CDH8: variants seen among roughly 807,000 people sequenced by gnomAD.
CDH8 encodes cadherin 8, also known as cadherin-8.
CDH8 carries 17 observed loss-of-function variants against 68.1 expected under a neutral mutation model. The ratio of observed to expected loss-of-function variants is 0.25; its 90% CI spans 0.17 to 0.37. The LOEUF (loss-of-function observed/expected upper bound fraction) is 0.37, where lower values mean the gene tolerates loss of function less well. Ranked by LOEUF, CDH8 falls within the 10% of genes least tolerant of loss-of-function variation. CDH8 has a pLI of 1.00. For missense variants in CDH8, 763 were observed against 999.3 expected, an observed-to-expected ratio of 0.76 and a Z score of 3.19; for synonymous variants, 372 against 365.1, an observed-to-expected ratio of 1.02 and a Z score of -0.21.
intron 2 of CDH8, among the ~76,000 whole-genome samples, chr16:61,981,260 G>A (rs1965523967): frequency 6.6e-6 from 1 of 152,110 alleles, no homozygotes; most frequent in South Asian, 2.1e-4. Flanking sequence ...ATTGTACTGT[G>A]TCCACTATTA....
At chr16:61,839,688 T>C (rs1394305257) in intron 4 of CDH8, among the ~76,000 whole-genome samples, 2 of 152,072 alleles carry the variant, frequency 1.3e-5, no homozygotes, top group African/African-American at 4.8e-5. Context: ...ATTCCCCAAC[T>C]TTGCATAAGG....
At chr16:61,970,576 T>A (rs1356056502) in intron 2 of CDH8, among the ~76,000 whole-genome samples, 1 of 152,200 alleles carries the variant, frequency 6.6e-6, no homozygotes, top group Non-Finnish European at 1.5e-5. Flanking sequence ...AATAAATAAC[T>A]ATTTTCCCTA....
chr16:61,930,063 C>G (rs1964516954), intron 2 of CDH8, among the ~76,000 whole-genome samples: 1 of 151,970 alleles, frequency 6.6e-6, no homozygotes, highest in South Asian at 2.1e-4. Flanking sequence ...GGCATTTAAA[C>G]AGAAGGTTGA....
intron 10 of CDH8, among the ~76,000 whole-genome samples, chr16:61,679,928 G>T (rs979971917): frequency 3.3e-5 from 5 of 151,958 alleles, no homozygotes; most frequent in Non-Finnish European, 7.4e-5. Flanking sequence ...TCATTGTATT[G>T]TATGGATATC....
At chr16:61,967,370 G>A (rs1030190204) in intron 2 of CDH8, among the ~76,000 whole-genome samples, 1 of 152,166 alleles carries the variant, frequency 6.6e-6, no homozygotes, top group Non-Finnish European at 1.5e-5. Flanking sequence ...CTCCCAATGT[G>A]TTAATGCCGA....
At chr16:61,674,311 G>T (rs1365550370) in intron 10 of CDH8, among the ~76,000 whole-genome samples, 1 of 151,874 alleles carries the variant, frequency 6.6e-6, no homozygotes, top group Non-Finnish European at 1.5e-5. Context: ...AAAATTATTT[G>T]GGCGTGGTGG....
chr16:61,660,093 T>A (rs1451409515), intron 10 of CDH8, among the ~76,000 whole-genome samples: 1 of 151,980 alleles, frequency 6.6e-6, no homozygotes, highest in Non-Finnish European at 1.5e-5. Context: ...ACATCATGGG[T>A]TTAATACCAC....
chr16:61,932,207 C>CAAAAAAA (rs35261724), intron 2 of CDH8, among the ~76,000 whole-genome samples: 1 of 83,578 alleles, frequency 1.2e-5, no homozygotes, highest in Non-Finnish European at 2.4e-5. Context: ...AACTCCGTCT[C>CAAAAAAA]AAAAAAAAAA....
chr16:61,823,686 G>A (rs1174458798), intron 5 of CDH8, among the ~76,000 whole-genome samples: 2 of 151,826 alleles, frequency 1.3e-5, no homozygotes, highest in African/African-American at 4.8e-5. Flanking sequence ...TCTTTAAATG[G>A]CCTCCTAATG....
chr16:61,874,669 T>C (rs1567509745), intron 3 of CDH8, among the ~76,000 whole-genome samples: 1 of 152,198 alleles, frequency 6.6e-6, no homozygotes, highest in Non-Finnish European at 1.5e-5. Context: ...GTAAATACTT[T>C]CAAATATTAT....
intron 10 of CDH8, among the ~76,000 whole-genome samples, chr16:61,689,536 A>G (rs962730217): frequency 2.6e-5 from 4 of 151,970 alleles, no homozygotes; most frequent in African/African-American, 9.7e-5. Context: ...CTTCAGGGCA[A>G]TCATTTAGCC....
At chr16:61,922,705 A>G (rs964151351) in intron 2 of CDH8, among the ~76,000 whole-genome samples, 10 of 152,170 alleles carry the variant, frequency 6.6e-5, no homozygotes, top group African/African-American at 2.4e-4. Flanking sequence ...TCATGCTTAT[A>G]ACTAATGCTA....
In CDH8 at chr16:61,861,603, C is replaced by T. The variant is rs80072184; in HGVS notation, c.548-4365G>A. Among the ~76,000 whole-genome samples the T allele has an allele frequency of 1.5e-3, 234 of 152,236 alleles. 6 individuals carry two copies. The East Asian group carries it at 0.021, about 14-fold the overall frequency. On this transcript the variant is annotated intron_variant, in intron 3 of 11. Transcript: ENST00000577390. ...TTATTCTACAAGCCTCAAAGTTTTGCGTGAGGATCACATGTAATCACATGA... is the reference window on the plus strand; with the variant it reads ...TTATTCTACAAGCCTCAAAGTTTTGTGTGAGGATCACATGTAATCACATGA...
At chr16:61,827,586 T>G (rs1299663199) in intron 4 of CDH8, among the ~76,000 whole-genome samples, 2 of 151,938 alleles carry the variant, frequency 1.3e-5, no homozygotes, top group Admixed American at 1.3e-4. Context: ...TTTACTCACT[T>G]GGAAATAACA....
chr16:61,761,181 T>C (rs1409763286), intron 8 of CDH8, among the ~76,000 whole-genome samples: 1 of 152,140 alleles, frequency 6.6e-6, no homozygotes, highest in Non-Finnish European at 1.5e-5. Context: ...TAGACAATAT[T>C]TGATCAGAAA....
At chr16:61,768,327 T>C (rs1960655218) in intron 8 of CDH8, among the ~76,000 whole-genome samples, 1 of 96,006 alleles carries the variant, frequency 1.0e-5, no homozygotes, top group Non-Finnish European at 2.2e-5. Context: ...TCTCTCTCTC[T>C]CTCTCTCTCT....
intron 2 of CDH8, among the ~76,000 whole-genome samples, chr16:61,962,193 G>A (rs567752119): frequency 5.3e-5 from 8 of 152,240 alleles, no homozygotes; most frequent in African/African-American, 1.7e-4. Flanking sequence ...TCTTGCTGTC[G>A]CAGAAGTGGC....
At chr16:61,818,862 T>G (rs1295549347) in intron 6 of CDH8, among the ~76,000 whole-genome samples, 1 of 151,502 alleles carries the variant, frequency 6.6e-6, no homozygotes. Flanking sequence ...AGTACAAGCT[T>G]AATTATATAT....
intron 2 of CDH8, among the ~76,000 whole-genome samples, chr16:61,929,072 C>T (rs185258447): frequency 4.4e-4 from 67 of 152,200 alleles, no homozygotes; most frequent in African/African-American, 1.6e-3. Flanking sequence ...CCATGCCCAG[C>T]TAATTTTTTT....
Sources: allele counts gnomAD v4.1 joint callset (sites outside exome capture counted in the v4.1 genomes callset), GRCh38; gene constraint gnomAD v4.1.1; transcripts MANE v1.5; gene names NCBI Gene and HGNC (gene_info 2026-07-23, HGNC 2026-07-21).